The following RAP1GAP2 variants were observed in gnomAD, a reference collection of about 807,000 sequenced individuals.
RAP1GAP2 encodes the protein rap1 GTPase-activating protein 2.
A neutral mutation model predicts 95.0 loss-of-function variants in RAP1GAP2; 27 were observed. The observed-to-expected ratio is 0.28, with a 90% confidence interval of 0.21 to 0.39. The LOEUF is 0.39. Ranked by LOEUF, RAP1GAP2 falls within the 10% of genes least tolerant of loss-of-function variation. RAP1GAP2 has a pLI of 1.00. For synonymous variants in RAP1GAP2, 373 were observed against 380.9 expected, an observed-to-expected ratio of 0.98 and a Z score of 0.24; for missense variants, 771 against 970.0, an observed-to-expected ratio of 0.79 and a Z score of 2.72.
intron 1 of RAP1GAP2, among the ~76,000 whole-genome samples, chr17:2,781,528 G>A (rs1188500802): frequency 3.3e-5 from 5 of 151,750 alleles, no homozygotes; most frequent in Admixed American, 6.6e-5. Context: ...GTGTGAGCAC[G>A]TCTCTGTGTG....
chr17:2,841,230 T>G (rs868564146), intron 2 of RAP1GAP2, among the ~76,000 whole-genome samples: 11 of 152,004 alleles, frequency 7.2e-5, no homozygotes, highest in Non-Finnish European at 1.3e-4. Context: ...GTCTTTTCAG[T>G]ATTTAATTTA....
intron 3 of RAP1GAP2, among the ~76,000 whole-genome samples, chr17:2,956,348 C>T (rs757847211): frequency 1.2e-4 from 18 of 152,340 alleles, no homozygotes; most frequent in Non-Finnish European, 1.9e-4. Flanking sequence ...TGGCTTTGGC[C>T]TGACAGAGGT....
chr17:2,996,612 A>C (rs1193887758), intron 13 of RAP1GAP2, among the ~76,000 whole-genome samples: 1 of 152,144 alleles, frequency 6.6e-6, no homozygotes, highest in Admixed American at 6.6e-5. Context: ...TTTCACCTCC[A>C]GCCCCTCTGT....
At chr17:2,784,964 G>T (rs143613419) in intron 1 of RAP1GAP2, among the ~76,000 whole-genome samples, 1 of 152,202 alleles carries the variant, frequency 6.6e-6, no homozygotes, top group Non-Finnish European at 1.5e-5. Context: ...TGAGCTGAGG[G>T]AGCTCTCCGC....
In RAP1GAP2 at chr17:2,884,043, T is replaced by C. The variant is rs183265762; in HGVS notation, c.81-21241T>C. 4.7e-4 allele frequency among the ~76,000 whole-genome samples: 72 copies of C among 152,300 alleles called. No homozygotes were observed. The East Asian group carries it at 0.013, about 27-fold the overall frequency. On this transcript the variant is annotated intron_variant, in intron 2 of 24. Coordinates refer to ENST00000254695, the MANE Select transcript of RAP1GAP2 (RefSeq NM_015085.5). ...CCTCTCTCTCCAGGGAGAGCAGGTG[T>C]GTCCTTTCTGGGCCAGTCGGGAATC... is the stretch of plus-strand genomic sequence containing the variant.
intron 3 of RAP1GAP2, among the ~76,000 whole-genome samples, chr17:2,942,049 C>T (rs2043519461): frequency 6.6e-6 from 1 of 152,084 alleles, no homozygotes; most frequent in African/African-American, 2.4e-5. Context: ...ATGAGAGTTC[C>T]TGTTTTGGCC....
intron 2 of RAP1GAP2, among the ~76,000 whole-genome samples, chr17:2,850,223 A>C (rs1163258145): frequency 6.7e-6 from 1 of 149,194 alleles, no homozygotes; most frequent in South Asian, 2.1e-4. Context: ...GATGGTCTCG[A>C]TCTCCTGACC....
In RAP1GAP2 at chr17:3,025,658, T is replaced by A. The variant is rs1184088435; in HGVS notation, c.1752-350T>A. Reference sequence around the variant, plus strand: ...TCATAGACTCTGCCATATTCCCTGCTCCATTCCCCACGGGGCCCTCTCTTG... The same window carrying A: ...TCATAGACTCTGCCATATTCCCTGCACCATTCCCCACGGGGCCCTCTCTTG... On this transcript the variant is annotated intron_variant, in intron 19 of 24. Coordinates refer to ENST00000254695, the MANE Select transcript of RAP1GAP2 (RefSeq NM_015085.5). 3.9e-5 allele frequency among the ~76,000 whole-genome samples: 6 copies of A among 152,074 alleles called. No homozygotes were observed. In the East Asian group the frequency reaches 1.2e-3, roughly 29 times the overall value.
At chr17:2,941,114 C>T (rs975812625) in intron 3 of RAP1GAP2, among the ~76,000 whole-genome samples, 3 of 152,132 alleles carry the variant, frequency 2.0e-5, no homozygotes, top group East Asian at 3.9e-4. Flanking sequence ...TTCAAAAGAC[C>T]GCGTGGGCCG....
intron 3 of RAP1GAP2, among the ~76,000 whole-genome samples, chr17:2,943,139 C>T (rs188264318): frequency 1.3e-5 from 2 of 152,180 alleles, no homozygotes; most frequent in South Asian, 2.1e-4. Flanking sequence ...TCTCCTCCCC[C>T]CAAGCCCCTG....
At chr17:2,862,881 C>A (rs2072459790) in intron 2 of RAP1GAP2, among the ~76,000 whole-genome samples, 1 of 150,356 alleles carries the variant, frequency 6.7e-6, no homozygotes, top group South Asian at 2.1e-4. Flanking sequence ...CCTGTAATCT[C>A]AACTACTTGG....
At chr17:2,905,099 T>C (rs143343850) in intron 2 of RAP1GAP2, among the ~76,000 whole-genome samples, 185 bp from the exon 3 acceptor site, 2,653 of 152,272 alleles carry the variant, frequency 0.017, 80 homozygotes, top group African/African-American at 0.059. Context: ...GTCAGGCTGG[T>C]CTTGAACTCC....
At chr17:2,853,931 A>T in intron 2 of RAP1GAP2, 11 of 979,310 alleles carry the variant, frequency 1.1e-5, no homozygotes, top group Non-Finnish European at 1.3e-5. Context: ...CCGGGTGCGG[A>T]GCGCGCGGAG....
intron 2 of RAP1GAP2, among the ~76,000 whole-genome samples, chr17:2,817,080 C>T (rs1471248268): frequency 9.0e-6 from 1 of 111,260 alleles, no homozygotes; most frequent in African/African-American, 3.0e-5. Context: ...CTCCACTTCC[C>T]AGGCTCAAGC....
Position 2,832,243 on chromosome 17 carries a change from C to G in RAP1GAP2, c.80+31693C>G, listed in dbSNP as rs78624760. Among the ~76,000 whole-genome samples the G allele has an allele frequency of 1.2e-3, 175 of 149,636 alleles. 2 individuals are homozygous for G. Among genetic ancestry groups the G allele is most frequent in the East Asian group, 7.8e-3 (39 of 5,010 alleles). On this transcript the variant is annotated intron_variant, in intron 2 of 24. Coordinates refer to ENST00000254695, the MANE Select transcript of RAP1GAP2 (RefSeq NM_015085.5). Reference sequence around the variant, plus strand: ...AAACAAAAAAACCCAAATCATTTTCCTTAAAACAATCAGAACATTAAAGAT... The same window carrying G: ...AAACAAAAAAACCCAAATCATTTTCGTTAAAACAATCAGAACATTAAAGAT...
intron 21 of RAP1GAP2, 59 bp downstream of exon 21, chr17:3,026,523 C>T (rs1481287327): frequency 1.2e-5 from 16 of 1,336,132 alleles, no homozygotes; most frequent in Non-Finnish European, 1.6e-5. Context: ...AGCCACCCTC[C>T]TTGCATTAAA....
At chr17:2,841,069 C>T (rs1301649434) in intron 2 of RAP1GAP2, among the ~76,000 whole-genome samples, 4 of 148,592 alleles carry the variant, frequency 2.7e-5, no homozygotes, top group African/African-American at 5.0e-5. Context: ...GCAGGAGAAT[C>T]GCTCGAACCT....
intron 7 of RAP1GAP2, 52 bp downstream of exon 7, chr17:2,964,120 G>A (rs969049966): frequency 1.2e-4 from 177 of 1,498,762 alleles, no homozygotes; most frequent in South Asian, 1.1e-4. Flanking sequence ...GGCTGGGGAC[G>A]CTGGGAGAGA....
At chr17:2,800,619 C>T in intron 2 of RAP1GAP2, 69 bp downstream of exon 2, 2 of 1,527,502 alleles carry the variant, frequency 1.3e-6, no homozygotes, top group East Asian at 2.3e-5. Context: ...CCCTTGCTCC[C>T]CCCAGGTTGT....
Sources: gnomAD v4.1 joint callset for allele counts (sites outside exome capture counted in the v4.1 genomes callset) on GRCh38, gnomAD v4.1.1 for gene constraint, MANE v1.5 for transcripts, NCBI Gene and HGNC (gene_info 2026-07-23, HGNC 2026-07-21) for gene names.